The following SUCLA2 variants were observed in gnomAD, a reference collection of about 807,000 sequenced individuals.
The protein encoded by SUCLA2 is succinate-CoA ligase ADP-forming subunit beta.
SUCLA2 carries 30 observed loss-of-function variants against 54.8 expected under a neutral mutation model. That is an observed-to-expected ratio of 0.55 (90% CI 0.41 to 0.74). The LOEUF (loss-of-function observed/expected upper bound fraction) is 0.74, where lower values mean the gene tolerates loss of function less well. Ranked by LOEUF, SUCLA2 falls within the 30% of genes least tolerant of loss-of-function variation. The pLI is 0.00. For synonymous variants in SUCLA2, 172 were observed against 188.9 expected (o/e 0.91, Z 0.74); for missense variants, 476 against 562.9 (o/e 0.85, Z 1.56).
chr13:47,955,220 G>A (rs1302954156), intron 6 of SUCLA2, among the ~76,000 whole-genome samples: 1 of 151,766 alleles, frequency 6.6e-6, no homozygotes, highest in Non-Finnish European at 1.5e-5. Context: ...TTATTTTTTT[G>A]AGACAGGGTC....
intron 1 of SUCLA2, among the ~76,000 whole-genome samples, chr13:48,000,167 G>A (rs987736060): frequency 8.6e-5 from 13 of 151,412 alleles, no homozygotes; most frequent in Non-Finnish European, 1.8e-4. Context: ...GGGGCGGGAG[G>A]GCCCTAAATC....
chr13:47,943,549 C>A (rs1949702164), intron 10 of SUCLA2, 104 bp from the exon 11 acceptor site: 2 of 971,116 alleles, frequency 2.1e-6, no homozygotes, highest in Admixed American at 1.9e-5. Context: ...AACATCTGGA[C>A]TATTCTGACA....
At chr13:47,987,413 G>A (rs1365028148) in intron 4 of SUCLA2, among the ~76,000 whole-genome samples, 1 of 152,112 alleles carries the variant, frequency 6.6e-6, no homozygotes, top group Non-Finnish European at 1.5e-5. Context: ...GTGAAAATAA[G>A]TGAATGTGTA....
chr13:47,953,289 T>C (rs1411570963), intron 8 of SUCLA2, among the ~76,000 whole-genome samples: 1 of 152,176 alleles, frequency 6.6e-6, no homozygotes, highest in Non-Finnish European at 1.5e-5. Context: ...CTAATTCTAG[T>C]TGTAAGTACT....
chr13:47,969,992 C>T (rs1307595833), intron 5 of SUCLA2, among the ~76,000 whole-genome samples: 1 of 151,536 alleles, frequency 6.6e-6, no homozygotes, highest in Non-Finnish European at 1.5e-5. Flanking sequence ...ATCCCAGCTA[C>T]TCGAGAGGCT....
chr13:47,951,982 G>C (rs538310247), intron 8 of SUCLA2, among the ~76,000 whole-genome samples: 2 of 104,000 alleles, frequency 1.9e-5, no homozygotes, highest in South Asian at 3.3e-4. Flanking sequence ...TCCCTTCCAT[G>C]CCTTTGTAAA....
chr13:47,988,848 C>G (rs1333559129), intron 3 of SUCLA2, 34 bp downstream of exon 3: 1 of 1,598,192 alleles, frequency 6.3e-7, no homozygotes. Flanking sequence ...CAGTCTTTAA[C>G]AAGGATGATT....
chr13:47,998,828 G>A (rs1430647064), intron 1 of SUCLA2, among the ~76,000 whole-genome samples: 2 of 152,136 alleles, frequency 1.3e-5, no homozygotes, highest in East Asian at 3.8e-4. Context: ...GGTTACACAG[G>A]TGAATACATA....
rs765178650 is a variant in SUCLA2 at position 47,948,994 on chromosome 13, C to T, written c.1263G>A (p.Ala421=). ...AAGCAAGTATTTTAAGTCCACTGTC[C>T]GCTATCAGTGCCTTAGCATCATCGA... ...TRVDDAKALI[A]DSGLKILACD... The change falls in exon 10 of 11, where the codon GCG becomes GCA. Residue 421 remains alanine, a synonymous_variant. Transcript: ENST00000646932. 6.4e-5 allele frequency: 104 copies of T among 1,613,596 alleles called. 1 individual carries two copies. The highest frequency in any genetic ancestry group is 1.1e-4 in the East Asian group (5 of 44,882).
chr13:47,981,762 G>A (rs1038947634), intron 4 of SUCLA2, among the ~76,000 whole-genome samples: 14 of 152,186 alleles, frequency 9.2e-5, no homozygotes, highest in Non-Finnish European at 1.6e-4. Flanking sequence ...GTTGTGAGCC[G>A]AGATCGCACC....
intron 4 of SUCLA2, among the ~76,000 whole-genome samples, chr13:47,986,257 C>T (rs1950103532): frequency 6.6e-6 from 1 of 152,062 alleles, no homozygotes; most frequent in Non-Finnish European, 1.5e-5. Flanking sequence ...TCTCAAACTC[C>T]TCACCTCAGG....
chr13:47,983,619 A>C (rs970416863), intron 4 of SUCLA2, among the ~76,000 whole-genome samples: 2 of 151,748 alleles, frequency 1.3e-5, no homozygotes, highest in African/African-American at 4.8e-5. Flanking sequence ...CCTCCGGAGT[A>C]GCTGGGACTA....
chr13:47,967,786 G>A (rs536581110), intron 6 of SUCLA2, among the ~76,000 whole-genome samples: 1 of 148,200 alleles, frequency 6.7e-6, no homozygotes, highest in African/African-American at 2.5e-5. Context: ...GGAGATGGCA[G>A]TGAACCCAGA....
intron 6 of SUCLA2, among the ~76,000 whole-genome samples, chr13:47,968,026 C>T (rs1456722590): frequency 6.6e-6 from 1 of 152,002 alleles, no homozygotes; most frequent in Non-Finnish European, 1.5e-5. Flanking sequence ...AAGAGTTCCC[C>T]AGGATATGTT....
intron 2 of SUCLA2, among the ~76,000 whole-genome samples, chr13:47,996,016 G>A (rs961728321): frequency 1.7e-4 from 26 of 151,986 alleles, no homozygotes; most frequent in African/African-American, 5.8e-4. Context: ...GGATATATCA[G>A]TGAACAAATA....
chr13:47,959,677 T>C (rs1949852192), intron 6 of SUCLA2, among the ~76,000 whole-genome samples: 1 of 152,204 alleles, frequency 6.6e-6, no homozygotes, highest in African/African-American at 2.4e-5. Context: ...GTATAGTCTA[T>C]CTTCATGCAC....
At chr13:47,949,149 T>C (rs984941553) in intron 9 of SUCLA2, 121 bp from the exon 10 acceptor site, 9 of 946,778 alleles carry the variant, frequency 9.5e-6, no homozygotes, top group Middle Eastern at 2.4e-4. Flanking sequence ...TTATTTAGTA[T>C]AAACACTTCT....
intron 10 of SUCLA2, chr13:47,945,913 G>C (rs1460185596): frequency 1.3e-5 from 2 of 152,228 alleles, no homozygotes; most frequent in Non-Finnish European, 2.9e-5. Flanking sequence ...TCTTCCATTA[G>C]TCATCAACAT....
chr13:47,943,764 G>GTATATATATATATATATATATATATATA lies in SUCLA2; in HGVS notation c.1318-320_1318-319insTATATATATATATATATATATATATATA, dbSNP rs1366859649. ...TATGTATGTGTGTGTGTGTGTGTGT[G>GTATATATATATATATATATATATATATA]TGTATATATATATATATTATTCTAA... On this transcript the variant is annotated intron_variant, in intron 10 of 10. Coordinates refer to ENST00000646932, the MANE Select transcript of SUCLA2 (RefSeq NM_003850.3). Among the ~76,000 whole-genome samples, 70 of 137,924 alleles carry GTATATATATATATATATATATATATATA rather than the reference G, an allele frequency of 5.1e-4. 1 individual carries two copies. In the East Asian group the frequency reaches 6.1e-3, roughly 12 times the overall value. 90.5% of individuals were successfully genotyped at this position (137,924 alleles called of 152,430 possible). A position where few individuals can be genotyped will look rare whatever the true frequency, so the allele number is the denominator to read the frequency against.
Sources: gnomAD v4.1 joint callset for allele counts (sites outside exome capture counted in the v4.1 genomes callset) on GRCh38, gnomAD v4.1.1 for gene constraint, MANE v1.5 for transcripts, NCBI Gene and HGNC (gene_info 2026-07-23, HGNC 2026-07-21) for gene names.